Variants in KCNN2 observed in about 807,000 individuals in gnomAD.
The protein encoded by KCNN2 is small conductance calcium-activated potassium channel protein 2.
In KCNN2, 24 loss-of-function variants were observed where a neutral mutation model predicts 55.5. That is an observed-to-expected ratio of 0.43 (90% CI 0.31 to 0.61). KCNN2 has a LOEUF of 0.61. KCNN2 is among the 20% of genes least tolerant of loss of function. The pLI is 0.08. For synonymous variants in KCNN2, 431 were observed against 336.1 expected, an observed-to-expected ratio of 1.28 and a Z score of -3.09; for missense variants, 754 against 853.6, an observed-to-expected ratio of 0.88 and a Z score of 1.45.
Position 114,371,272 on chromosome 5 carries a change from G to C in KCNN2, c.1218+7271G>C, listed in dbSNP as rs1005177784. ...TGGAGTACAGAGGAAGTCTGTACCG[G>C]ATATTTAAATTTGGGAGTTATCAGC... On this transcript the variant is annotated intron_variant, in intron 2 of 7. Coordinates refer to ENST00000673685, the MANE Select transcript of KCNN2 (RefSeq NM_021614.4). Among the ~76,000 whole-genome samples the C allele has an allele frequency of 3.3e-5, 5 of 152,114 alleles. No homozygotes were observed. The East Asian group carries it at 5.8e-4, about 18-fold the overall frequency.
At chr5:114,380,909 G>A (rs535829811) in intron 2 of KCNN2, among the ~76,000 whole-genome samples, 24 of 152,318 alleles carry the variant, frequency 1.6e-4, no homozygotes, top group Non-Finnish European at 3.5e-4. Context: ...CATCATGTTT[G>A]ATTCTGCTGG....
At chr5:114,075,440 C>G (rs1170011997) in intron 1 of KCNN2, among the ~76,000 whole-genome samples, 33 of 152,198 alleles carry the variant, frequency 2.2e-4, no homozygotes, top group Admixed American at 2.2e-3. Context: ...TGAAGACTCA[C>G]AAATTTCATT....
intron 2 of KCNN2, among the ~76,000 whole-genome samples, chr5:114,284,590 T>C (rs1755697373): frequency 6.6e-6 from 1 of 152,160 alleles, no homozygotes; most frequent in South Asian, 2.1e-4. Flanking sequence ...CAGTCTTGGC[T>C]CACTGCAATC....
intron 1 of KCNN2, among the ~76,000 whole-genome samples, chr5:114,142,330 A>C (rs1434379396): frequency 6.6e-6 from 1 of 152,174 alleles, no homozygotes; most frequent in Non-Finnish European, 1.5e-5. Context: ...GAAGGGATCC[A>C]GTTTCAGCTT....
chr5:114,281,621 A>ATC (rs201881402), intron 2 of KCNN2, among the ~76,000 whole-genome samples: 12,301 of 94,072 alleles, frequency 0.13, 645 homozygotes, highest in African/African-American at 0.21. Flanking sequence ...CCGCCCCTCC[A>ATC]TCTCTGTGTG....
rs528062818 is a variant in KCNN2, at chr5:114,350,104, AT to A, written c.-184-10834del. ...GCCTTTGGCTTATTTATTCTTTTAA[AT>A]TTTTTTAAATTATTTTTATTTGCAA... On this transcript the variant is annotated intron_variant, in intron 2 of 10. Transcript: ENST00000512097. 1.2e-3 allele frequency among the ~76,000 whole-genome samples: 186 copies of A among 151,888 alleles called. 2 individuals are homozygous for A. The highest frequency in any genetic ancestry group is 4.4e-3 in the African/African-American group (182 of 41,484).
At chr5:114,426,671 T>A (rs556194124) in intron 3 of KCNN2, among the ~76,000 whole-genome samples, 55 of 152,306 alleles carry the variant, frequency 3.6e-4, no homozygotes, top group Non-Finnish European at 6.9e-4. Flanking sequence ...TCATTGGAAC[T>A]AAGTTTTTAA....
At chr5:114,338,548 T>C (rs1756963442) in intron 2 of KCNN2, among the ~76,000 whole-genome samples, 2 of 152,134 alleles carry the variant, frequency 1.3e-5, no homozygotes, top group Admixed American at 1.3e-4. Context: ...ATCAAGAAAA[T>C]GGATAGATCA....
At chr5:114,410,235 G>A (rs1027563519) in intron 3 of KCNN2, among the ~76,000 whole-genome samples, 1 of 152,180 alleles carries the variant, frequency 6.6e-6, no homozygotes. Flanking sequence ...ATCCAATCCT[G>A]ACTTGTACCT....
chr5:114,386,203 G>A (rs914931414), intron 2 of KCNN2, among the ~76,000 whole-genome samples: 25 of 141,066 alleles, frequency 1.8e-4, no homozygotes, highest in East Asian at 1.6e-3. Flanking sequence ...AAAAAAAAAA[G>A]TGAAGTATAG....
At chr5:114,127,175 G>T (rs1751952890) in intron 1 of KCNN2, among the ~76,000 whole-genome samples, 1 of 152,094 alleles carries the variant, frequency 6.6e-6, no homozygotes, top group Non-Finnish European at 1.5e-5. Context: ...GAGGATGGTG[G>T]CCCTCTTCTC....
At chr5:114,451,763 A>G (rs941149871) in intron 3 of KCNN2, among the ~76,000 whole-genome samples, 6 of 151,876 alleles carry the variant, frequency 4.0e-5, no homozygotes, top group East Asian at 3.9e-4. Flanking sequence ...CAGGCATGGT[A>G]GCGGGTGCCT....
At chr5:114,236,576 T>C (rs1021647019) in intron 2 of KCNN2, among the ~76,000 whole-genome samples, 2 of 152,180 alleles carry the variant, frequency 1.3e-5, no homozygotes, top group African/African-American at 4.8e-5. Flanking sequence ...AAGTAAAAGC[T>C]GAGATCTTGG....
At chr5:114,156,107 C>G (rs1752628079) in intron 1 of KCNN2, among the ~76,000 whole-genome samples, 1 of 152,096 alleles carries the variant, frequency 6.6e-6, no homozygotes, top group Non-Finnish European at 1.5e-5. Context: ...ATATGGCTAG[C>G]CAGTTATCCT....
chr5:114,385,569 A>C (rs1157779561), intron 2 of KCNN2, among the ~76,000 whole-genome samples: 1 of 150,054 alleles, frequency 6.7e-6, no homozygotes, highest in Non-Finnish European at 1.5e-5. Flanking sequence ...TATTGGAATC[A>C]TGTTGATTTG....
intron 2 of KCNN2, among the ~76,000 whole-genome samples, chr5:114,262,184 C>T (rs1755122811): frequency 6.6e-6 from 1 of 152,080 alleles, no homozygotes; most frequent in African/African-American, 2.4e-5. Flanking sequence ...TCTAGTTTTC[C>T]TGAGTCAGCC....
At chr5:114,429,818 CTTT>C (rs61595962) in intron 3 of KCNN2, among the ~76,000 whole-genome samples, 117 of 71,240 alleles carry the variant, frequency 1.6e-3, no homozygotes, top group South Asian at 0.012. Context: ...TATATAGATG[CTTT>C]TTTTTTTTTT....
In KCNN2 at chr5:114,134,817, C is replaced by G. The variant is rs539592399; in HGVS notation, c.-271+78317C>G. On this transcript the variant is annotated intron_variant, in intron 1 of 10. Coordinates refer to the KCNN2 transcript ENST00000512097. ...ATCTTCCTTACAGTAATGCGTTTCT[C>G]TTGCTGAACAGAAGGAGAGCCAAGA... 4.7e-4 allele frequency among the ~76,000 whole-genome samples: 71 copies of G among 152,258 alleles called. 1 individual carries two copies. In the South Asian group the frequency reaches 0.014, roughly 30 times the overall value.
chr5:114,214,978 T>C (rs990554425), intron 1 of KCNN2, among the ~76,000 whole-genome samples: 2 of 152,130 alleles, frequency 1.3e-5, no homozygotes, highest in African/African-American at 4.8e-5. Flanking sequence ...AGTCTGGTAT[T>C]ATTTATTTGG....
Sources: gnomAD v4.1 joint callset for allele counts (sites outside exome capture counted in the v4.1 genomes callset) on GRCh38, gnomAD v4.1.1 for gene constraint, MANE v1.5 for transcripts, NCBI Gene and HGNC (gene_info 2026-07-23, HGNC 2026-07-21) for gene names.